Variants in ST7 observed in about 807,000 individuals in gnomAD.
ST7 encodes the protein suppressor of tumorigenicity 7 protein.
ST7 carries 28 observed loss-of-function variants against 78.7 expected under a neutral mutation model. The observed-to-expected ratio is 0.36, with a 90% CI of 0.26 to 0.49. The LOEUF is 0.49. ST7 is among the 20% of genes least tolerant of loss of function. The pLI, the probability that ST7 is intolerant of heterozygous loss-of-function variation, is 0.99. For synonymous variants in ST7, 247 were observed against 249.6 expected (o/e 0.99, Z 0.10); for missense variants, 418 against 696.0 (o/e 0.60, Z 4.49).
At chr7:116,998,058 C>A (rs547350937) in intron 1 of ST7, among the ~76,000 whole-genome samples, 1 of 152,296 alleles carries the variant, frequency 6.6e-6, no homozygotes, top group Non-Finnish European at 1.5e-5. Flanking sequence ...CGGTGCTTGT[C>A]GGGGATGCTC....
Position 117,044,015 on chromosome 7 carries a change from T to C in ST7, c.152-55747T>C, listed in dbSNP as rs998808589. ...GGACTACTAAGACCAGGACTTACTC[T>C]GCATCTTGAACCACTCTGCCTCTTG... On this transcript the variant is annotated intron_variant, in intron 1 of 15. Coordinates refer to ENST00000323984, the MANE Select transcript of ST7 (RefSeq NM_001369598.1). 6.6e-5 allele frequency among the ~76,000 whole-genome samples: 10 copies of C among 152,342 alleles called. No homozygotes were observed. In the East Asian group the frequency reaches 1.9e-3, roughly 29 times the overall value.
At chr7:117,229,425 A>T (rs75359778) in intron 15 of ST7, among the ~76,000 whole-genome samples, 4,020 of 152,354 alleles carry the variant, frequency 0.026, 71 homozygotes, top group Non-Finnish European at 0.041. Flanking sequence ...ACTTGCCACC[A>T]ATCTGTCATT....
chr7:117,159,069 A>G (rs1392143140), intron 9 of ST7, among the ~76,000 whole-genome samples: 2 of 152,212 alleles, frequency 1.3e-5, no homozygotes, highest in Non-Finnish European at 2.9e-5. Flanking sequence ...CAATACATGC[A>G]TAGCTGAACT....
At chr7:117,043,535 C>T (rs1191618613) in intron 1 of ST7, among the ~76,000 whole-genome samples, 1 of 152,096 alleles carries the variant, frequency 6.6e-6, no homozygotes, top group South Asian at 2.1e-4. Context: ...CCTCATATTC[C>T]CAAGTCAACA....
chr7:117,067,957 G>T (rs749468584), intron 1 of ST7, among the ~76,000 whole-genome samples: 6 of 152,146 alleles, frequency 3.9e-5, no homozygotes, highest in Non-Finnish European at 8.8e-5. Flanking sequence ...ATTTCATGAA[G>T]CTGGCAAAGC....
chr7:117,195,342 A>G (rs1242947337), intron 12 of ST7, among the ~76,000 whole-genome samples: 2 of 152,104 alleles, frequency 1.3e-5, no homozygotes, highest in Non-Finnish European at 2.9e-5. Flanking sequence ...CTATAACTGG[A>G]TACTTCTGTT....
At chr7:117,154,807 G>T (rs2117178109) in intron 9 of ST7, among the ~76,000 whole-genome samples, 1 of 152,240 alleles carries the variant, frequency 6.6e-6, no homozygotes, top group South Asian at 2.1e-4. Context: ...TGAGGGTGTT[G>T]CTATGTGAGT....
intron 1 of ST7, among the ~76,000 whole-genome samples, chr7:116,957,377 G>C (rs1233273408): frequency 1.3e-5 from 2 of 150,930 alleles, no homozygotes; most frequent in East Asian, 3.9e-4. Context: ...TTTTTTGTTT[G>C]TTTTTTAAGA....
chr7:117,119,990 A>C (rs542498521), intron 3 of ST7, among the ~76,000 whole-genome samples: 1 of 151,070 alleles, frequency 6.6e-6, no homozygotes, highest in Non-Finnish European at 1.5e-5. Flanking sequence ...GTGCAGTGGC[A>C]TGATCTTGGC....
chr7:116,994,707 G>A (rs956424142), intron 1 of ST7, among the ~76,000 whole-genome samples: 14 of 152,164 alleles, frequency 9.2e-5, no homozygotes, highest in African/African-American at 3.1e-4. Context: ...ACCATTCGAG[G>A]GAATACTTCG....
At position 117,152,318 on chromosome 7, in the gene ST7, G is replaced by T. The variant is rs1489400361; in HGVS notation, c.963+13786G>T. On this transcript the variant is annotated intron_variant, in intron 9 of 15. Transcript: ENST00000323984. ...CATTAAACTTGGGGCAATGAGAAGTGTTGCTCAGCCCAGCTGCTCTGAAGT... is the reference window on the plus strand; with the variant it reads ...CATTAAACTTGGGGCAATGAGAAGTTTTGCTCAGCCCAGCTGCTCTGAAGT... Among the ~76,000 whole-genome samples, 4 of 150,150 alleles carry T rather than the reference G, an allele frequency of 2.7e-5. No individual in the cohort carries two copies. In the East Asian group the frequency reaches 7.9e-4, roughly 30 times the overall value.
At chr7:117,028,511 T>C (rs1374327169) in intron 1 of ST7, among the ~76,000 whole-genome samples, 1 of 152,056 alleles carries the variant, frequency 6.6e-6, no homozygotes, top group Non-Finnish European at 1.5e-5. Flanking sequence ...GGGGGAGGCT[T>C]TGGTAGGGTC....
chr7:116,956,342 G>C, intron 1 of ST7: 1 of 377,676 alleles, frequency 2.6e-6, no homozygotes, highest in Non-Finnish European at 5.4e-6. Context: ...TGAGAGGGGA[G>C]GCAGGAGCTA....
At chr7:117,017,536 C>G (rs1227200985) in intron 1 of ST7, among the ~76,000 whole-genome samples, 1 of 152,120 alleles carries the variant, frequency 6.6e-6, no homozygotes, top group East Asian at 1.9e-4. Context: ...ACTGTCTTTA[C>G]TGTGAAGGAA....
chr7:117,086,506 T>C (rs1718547054), intron 1 of ST7, among the ~76,000 whole-genome samples: 1 of 152,220 alleles, frequency 6.6e-6, no homozygotes, highest in African/African-American at 2.4e-5. Flanking sequence ...TTATTCACCA[T>C]GAGGGATGAC....
At chr7:117,214,910 TTGTGTGTGTGTGTGTGTGTGTGTGTG>T (rs147915016) in intron 13 of ST7, among the ~76,000 whole-genome samples, 1 of 143,154 alleles carries the variant, frequency 7.0e-6, no homozygotes, top group Non-Finnish European at 1.5e-5. Context: ...GGAAGAACAT[TTGTGTGTGTGTGTGTGTGTGTGTGTG>T]TGTGTGTGTG....
intron 3 of ST7, among the ~76,000 whole-genome samples, chr7:117,128,498 G>A (rs1804058595): frequency 6.6e-6 from 1 of 151,834 alleles, no homozygotes; most frequent in Non-Finnish European, 1.5e-5. Flanking sequence ...TAAGCTAAGT[G>A]ACAAAAAATT....
intron 1 of ST7, among the ~76,000 whole-genome samples, chr7:117,038,609 G>A (rs1399909857): frequency 2.0e-5 from 3 of 152,190 alleles, no homozygotes; most frequent in Admixed American, 6.5e-5. Flanking sequence ...GACAGCATAT[G>A]TAAATATATG....
intron 2 of ST7, among the ~76,000 whole-genome samples, chr7:117,103,292 C>T (rs1480127489): frequency 2.6e-5 from 4 of 151,978 alleles, no homozygotes; most frequent in African/African-American, 4.8e-5. Flanking sequence ...CCTGAATAGC[C>T]AGAGCAATCC....
Sources: allele counts gnomAD v4.1 joint callset (sites outside exome capture counted in the v4.1 genomes callset), GRCh38; gene constraint gnomAD v4.1.1; transcripts MANE v1.5; gene names NCBI Gene and HGNC (gene_info 2026-07-23, HGNC 2026-07-21).